ESRRG: variants seen among roughly 807,000 people sequenced by gnomAD.
The protein encoded by ESRRG is estrogen-related receptor gamma.
Under a neutral mutation model 44.0 loss-of-function variants are expected in ESRRG, and 13 were observed. The ratio of observed to expected loss-of-function variants is 0.30; its 90% CI spans 0.19 to 0.47. The LOEUF is 0.47. Ranked by LOEUF, ESRRG falls within the 20% of genes least tolerant of loss-of-function variation. ESRRG has a pLI of 1.00. For synonymous variants in ESRRG, 215 were observed against 214.6 expected (o/e 1.00, Z -0.02); for missense variants, 395 against 580.6 (o/e 0.68, Z 3.29).
intron 1 of ESRRG, among the ~76,000 whole-genome samples, chr1:217,116,547 A>G (rs538267484): frequency 6.6e-6 from 1 of 152,332 alleles, no homozygotes; most frequent in South Asian, 2.1e-4. Context: ...CAGTATTTCA[A>G]GACCCATACT....
chr1:216,596,206 C>T (rs913388679), intron 3 of ESRRG, among the ~76,000 whole-genome samples: 1 of 152,172 alleles, frequency 6.6e-6, no homozygotes, highest in Non-Finnish European at 1.5e-5. Context: ...TCCCTTACTG[C>T]CCAAAGTAAT....
At chr1:216,601,186 G>A (rs1158804231) in intron 3 of ESRRG, among the ~76,000 whole-genome samples, 2 of 152,072 alleles carry the variant, frequency 1.3e-5, no homozygotes, top group Admixed American at 1.3e-4. Flanking sequence ...GCTCGGCCAG[G>A]GGCTCTGCTC....
At chr1:216,647,860 G>A (rs1380609899) in intron 3 of ESRRG, among the ~76,000 whole-genome samples, 1 of 152,164 alleles carries the variant, frequency 6.6e-6, no homozygotes, top group Non-Finnish European at 1.5e-5. Context: ...TTAAAGGAGA[G>A]AAAGTTCCCA....
chr1:216,728,865 T>C (rs2152114472), intron 2 of ESRRG, among the ~76,000 whole-genome samples: 1 of 152,266 alleles, frequency 6.6e-6, no homozygotes, highest in East Asian at 1.9e-4. Context: ...ATACTTTTTC[T>C]GATGTTTGAA....
intron 2 of ESRRG, among the ~76,000 whole-genome samples, chr1:216,779,932 A>G (rs2093864729): frequency 6.6e-6 from 1 of 151,910 alleles, no homozygotes; most frequent in South Asian, 2.1e-4. Context: ...ACAAGATGCC[A>G]TGTATAAAGT....
chr1:217,101,610 T>C (rs2092513113), intron 1 of ESRRG, among the ~76,000 whole-genome samples: 1 of 152,138 alleles, frequency 6.6e-6, no homozygotes, highest in Non-Finnish European at 1.5e-5. Flanking sequence ...TGTAGGATCA[T>C]TTAGTTTCCA....
intron 2 of ESRRG, among the ~76,000 whole-genome samples, chr1:216,861,522 A>T (rs529971043): frequency 1.3e-5 from 2 of 151,896 alleles, no homozygotes; most frequent in African/African-American, 4.8e-5. Flanking sequence ...TACTAAAAGC[A>T]AAAAAAATTT....
At chr1:216,975,824 G>A (rs1390646983) in intron 1 of ESRRG, among the ~76,000 whole-genome samples, 1 of 152,162 alleles carries the variant, frequency 6.6e-6, no homozygotes, top group Non-Finnish European at 1.5e-5. Flanking sequence ...CATTTGTTGA[G>A]TACATGCATG....
chr1:216,533,197 AG>A (rs1387063603), intron 5 of ESRRG, among the ~76,000 whole-genome samples: 1 of 152,164 alleles, frequency 6.6e-6, no homozygotes, highest in Non-Finnish European at 1.5e-5. Flanking sequence ...ATTTAAATGT[AG>A]CAAATTCCTA....
chr1:216,961,000 T>G (rs1046499995), intron 1 of ESRRG, among the ~76,000 whole-genome samples: 1 of 152,184 alleles, frequency 6.6e-6, no homozygotes, highest in Non-Finnish European at 1.5e-5. Flanking sequence ...TTTGCAAGCT[T>G]CTTTCATCAG....
At chr1:216,747,341 T>C (rs2091516281) in intron 2 of ESRRG, among the ~76,000 whole-genome samples, 1 of 152,170 alleles carries the variant, frequency 6.6e-6, no homozygotes, top group Non-Finnish European at 1.5e-5. Flanking sequence ...CAATACCATA[T>C]GATGGGAATA....
At position 216,837,233 on chromosome 1, in the gene ESRRG, C is replaced by T. The variant is rs568716287; in HGVS notation, c.-14+102349G>A. ...GACCATCCTAGCTAACACAGTGAAA[C>T]CGTGTCTCTACTAAAAATACAAAAA... is the stretch of plus-strand genomic sequence containing the variant. On this transcript the variant is annotated intron_variant, in intron 2 of 7. Coordinates refer to the ESRRG transcript ENST00000359162. Among the ~76,000 whole-genome samples the T allele has an allele frequency of 1.1e-4, 16 of 151,872 alleles. No homozygotes were observed. In the South Asian group the frequency reaches 3.1e-3, roughly 30 times the overall value.
Position 216,590,786 on chromosome 1 carries a change from A to T in ESRRG, c.590-22688T>A, listed in dbSNP as rs77991894. 4.0e-3 allele frequency among the ~76,000 whole-genome samples: 609 copies of T among 152,338 alleles called. 5 individuals carry two copies. Among genetic ancestry groups the T allele is most frequent in the Non-Finnish European group, 7.4e-3 (505 of 68,032 alleles). On this transcript the variant is annotated intron_variant, in intron 3 of 6. Transcript: ENST00000408911. ...TTAATACAAGAAAGTATAAGCCACA[A>T]GACAGTATCTCAATTAGACTCCAAT...
chr1:217,075,729 A>G (rs1253377723), intron 1 of ESRRG, among the ~76,000 whole-genome samples: 2 of 152,142 alleles, frequency 1.3e-5, no homozygotes, highest in African/African-American at 2.4e-5. Context: ...TAAGCATGCA[A>G]TAAGGCTCTC....
At chr1:216,535,308 A>G (rs1405431214) in intron 5 of ESRRG, among the ~76,000 whole-genome samples, 1 of 152,064 alleles carries the variant, frequency 6.6e-6, no homozygotes. Context: ...TCTCTGGTCT[A>G]TGGTATGCTC....
intron 2 of ESRRG, among the ~76,000 whole-genome samples, chr1:216,929,431 G>T (rs929475507): frequency 2.0e-5 from 3 of 152,158 alleles, no homozygotes; most frequent in Non-Finnish European, 4.4e-5. Context: ...TTTAAACATA[G>T]GAAATGAATG....
intron 2 of ESRRG, among the ~76,000 whole-genome samples, chr1:216,843,458 T>C (rs2095686863): frequency 6.6e-6 from 1 of 152,154 alleles, no homozygotes. Context: ...ATTTCTCCTT[T>C]TTTAATGCAA....
chr1:216,861,583 T>A (rs920674656), intron 2 of ESRRG, among the ~76,000 whole-genome samples: 2 of 152,100 alleles, frequency 1.3e-5, no homozygotes, highest in African/African-American at 4.8e-5. Flanking sequence ...CAACTATATG[T>A]TTCCCACAAA....
chr1:216,524,211 A>G (rs2046944066), intron 5 of ESRRG, among the ~76,000 whole-genome samples: 1 of 138,800 alleles, frequency 7.2e-6, no homozygotes, highest in African/African-American at 3.1e-5. Flanking sequence ...GCTTGTAGGA[A>G]ACTTTATATA....
Sources: gnomAD v4.1 joint callset for allele counts (sites outside exome capture counted in the v4.1 genomes callset) on GRCh38, gnomAD v4.1.1 for gene constraint, MANE v1.5 for transcripts, NCBI Gene and HGNC (gene_info 2026-07-23, HGNC 2026-07-21) for gene names.